The following RHOG variants were observed in gnomAD, a reference collection of about 807,000 sequenced individuals.
RHOG encodes ras homolog family member G.
Under a neutral mutation model 12.3 loss-of-function variants are expected in RHOG, and 1 was observed. The ratio of observed to expected loss-of-function variants is 0.08; its 90% CI spans 0.03 to 0.39. The LOEUF (loss-of-function observed/expected upper bound fraction) is 0.39, where lower values mean the gene tolerates loss of function less well. Ranked by LOEUF, RHOG falls within the 10% of genes least tolerant of loss-of-function variation. The probability of loss-of-function intolerance (pLI) is 0.99; values close to 1 mark genes in which losing one functional copy is unlikely to be tolerated. For synonymous variants in RHOG, 129 were observed against 116.0 expected (o/e 1.11, Z -0.72); for missense variants, 114 against 266.2 (o/e 0.43, Z 3.98).
In RHOG at chr11:3,827,526, G is replaced by C; in HGVS notation, c.*37C>G. ...AAGGCACCAAGGCACAACTGGTGGG[G>C]GGAGGGCAGGGGCAGCCTCCAAGCC... On this transcript the variant is annotated 3_prime_UTR_variant, in exon 2 of 2. Transcript: ENST00000351018. This position sits in a 1 kb window ranked among gnomAD's most constrained non-coding sequence, Gnocchi z 7.3. 6.5e-7 allele frequency: 1 copy of C among 1,537,536 alleles called. No homozygotes were observed. The highest frequency in any genetic ancestry group is 8.9e-7 in the Non-Finnish European group (1 of 1,127,896).
At chr11:3,836,369 A>AAAG (rs1281953472) in intron 1 of RHOG, among the ~76,000 whole-genome samples, 3 of 97,654 alleles carry the variant, frequency 3.1e-5, no homozygotes, top group Non-Finnish European at 7.8e-5. Flanking sequence ...AAAAAAAAAA[A>AAAG]AAAAGAAAGA....
chr11:3,829,467 T>C (rs975247437), intron 1 of RHOG, among the ~76,000 whole-genome samples: 4 of 151,946 alleles, frequency 2.6e-5, no homozygotes, highest in Admixed American at 2.0e-4. Context: ...GCCATGCTGG[T>C]CTCAAGCTCC....
intron 1 of RHOG, among the ~76,000 whole-genome samples, chr11:3,837,568 T>C (rs1445749014): frequency 6.6e-6 from 1 of 152,198 alleles, no homozygotes; most frequent in Non-Finnish European, 1.5e-5. Flanking sequence ...TTGGAGGTAC[T>C]GATATGCAAC....
At chr11:3,835,355 C>T (rs2135139335) in intron 1 of RHOG, among the ~76,000 whole-genome samples, 1 of 152,322 alleles carries the variant, frequency 6.6e-6, no homozygotes, top group South Asian at 2.1e-4. Context: ...TCCAGGACAT[C>T]ACAGCAACCC....
At chr11:3,836,378 G>GAAAGA (rs1554947974) in intron 1 of RHOG, among the ~76,000 whole-genome samples, 12 of 144,466 alleles carry the variant, frequency 8.3e-5, no homozygotes, top group African/African-American at 3.1e-4. Context: ...AAAAAAGAAA[G>GAAAGA]AAAAAATCCA....
At chr11:3,834,163 T>G (rs1045449904) in intron 1 of RHOG, among the ~76,000 whole-genome samples, 16 of 152,174 alleles carry the variant, frequency 1.1e-4, no homozygotes, top group African/African-American at 3.9e-4. Flanking sequence ...CCTCAAGTGA[T>G]CCACCTGCCT....
intron 1 of RHOG, among the ~76,000 whole-genome samples, chr11:3,835,234 T>C (rs1019022194): frequency 6.6e-6 from 1 of 152,176 alleles, no homozygotes; most frequent in African/African-American, 2.4e-5. Flanking sequence ...AATGACTGAA[T>C]GAAGTCGATG....
intron 1 of RHOG, among the ~76,000 whole-genome samples, chr11:3,838,387 T>G (rs2090168901): frequency 6.6e-6 from 1 of 152,240 alleles, no homozygotes; most frequent in African/African-American, 2.4e-5. Context: ...CAGAGCCCTG[T>G]GGGTTTGCTC....
intron 1 of RHOG, among the ~76,000 whole-genome samples, chr11:3,829,807 C>T (rs894935430): frequency 6.6e-6 from 1 of 151,888 alleles, no homozygotes; most frequent in South Asian, 2.1e-4. Flanking sequence ...AGTGTAGTGG[C>T]GCAATCTTGA....
At chr11:3,833,870 A>G (rs2090143117) in intron 1 of RHOG, among the ~76,000 whole-genome samples, 1 of 151,936 alleles carries the variant, frequency 6.6e-6, no homozygotes, top group African/African-American at 2.4e-5. Context: ...CCCTTCTCTA[A>G]TCTTCCTTAC....
intron 1 of RHOG, among the ~76,000 whole-genome samples, chr11:3,834,438 G>C (rs555065390): frequency 6.6e-6 from 1 of 152,180 alleles, no homozygotes; most frequent in African/African-American, 2.4e-5. Context: ...GAGATATGGA[G>C]AGACTTCTCT....
intron 1 of RHOG, among the ~76,000 whole-genome samples, chr11:3,839,050 C>T (rs1455638301): frequency 2.0e-5 from 3 of 152,206 alleles, no homozygotes; most frequent in Non-Finnish European, 4.4e-5. Flanking sequence ...AAGGAGCAGA[C>T]ACTTTTGCCT....
intron 1 of RHOG, among the ~76,000 whole-genome samples, chr11:3,839,598 C>T (rs796614996): frequency 1.9e-4 from 22 of 113,644 alleles, no homozygotes; most frequent in African/African-American, 4.6e-4. Context: ...CGAACACACA[C>T]GCAAACACAC....
chr11:3,837,684 GGA>G (rs1208764214), intron 1 of RHOG: 1 of 152,216 alleles, frequency 6.6e-6, no homozygotes, highest in African/African-American at 2.4e-5. Context: ...CTTCTACAAA[GGA>G]GAGAAGGTGA....
chr11:3,828,646 CAG>C (rs1213935064), intron 1 of RHOG, among the ~76,000 whole-genome samples: 3 of 113,796 alleles, frequency 2.6e-5, no homozygotes, highest in African/African-American at 1.2e-4. Context: ...TTTTTTGAGA[CAG>C]AGTCTCACTC....
intron 1 of RHOG, among the ~76,000 whole-genome samples, chr11:3,837,512 T>C (rs1410427851): frequency 6.6e-6 from 1 of 152,120 alleles, no homozygotes; most frequent in African/African-American, 2.4e-5. Flanking sequence ...CTATGAGCAG[T>C]CTCTTGGGGG....
At chr11:3,829,264 T>G (rs2135134129) in intron 1 of RHOG, among the ~76,000 whole-genome samples, 1 of 150,116 alleles carries the variant, frequency 6.7e-6, no homozygotes, top group East Asian at 2.0e-4. Context: ...TTTTTTTTTT[T>G]TTTTTTGAGA....
At chr11:3,836,357 CA>C (rs61427960) in intron 1 of RHOG, among the ~76,000 whole-genome samples, 84 of 119,554 alleles carry the variant, frequency 7.0e-4, no homozygotes, top group Admixed American at 7.4e-4. Context: ...ACTCCATCTC[CA>C]AAAAAAAAAA....
intron 1 of RHOG, chr11:3,840,520 T>A (rs2090185117): frequency 7.7e-6 from 1 of 130,488 alleles, no homozygotes; most frequent in African/African-American, 2.8e-5. Flanking sequence ...CCCTCTCCCC[T>A]CACGCACTTC....
Sources: gnomAD v4.1 joint callset for allele counts (sites outside exome capture counted in the v4.1 genomes callset) on GRCh38, gnomAD v4.1.1 for gene constraint, Gnocchi (gnomAD v3.1) non-coding constraint, MANE v1.5 for transcripts, NCBI Gene and HGNC (gene_info 2026-07-23, HGNC 2026-07-21) for gene names.